PLB1: variants seen among roughly 807,000 people sequenced by gnomAD.
PLB1 encodes the protein phospholipase B1.
A neutral mutation model predicts 227.4 loss-of-function variants in PLB1; 242 were observed. That is an observed-to-expected ratio of 1.06 (90% confidence interval 0.96 to 1.18). PLB1 has a LOEUF of 1.18. PLB1 is among the 50% of genes most tolerant of loss of function. PLB1 has a pLI of 0.00. For synonymous variants in PLB1, 757 were observed against 682.2 expected, an observed-to-expected ratio of 1.11 and a Z score of -1.71; for missense variants, 1,858 against 1,816.3, an observed-to-expected ratio of 1.02 and a Z score of -0.42.
At chr2:28,602,149 G>GA (rs780583888) in intron 38 of PLB1, among the ~76,000 whole-genome samples, 185 bp downstream of exon 38, 4 of 152,234 alleles carry the variant, frequency 2.6e-5, no homozygotes, top group Non-Finnish European at 5.9e-5. Flanking sequence ...AATCAGCCCA[G>GA]AAGGGCCTCA....
At chr2:28,590,131 A>G in intron 29 of PLB1, 55 bp downstream of exon 29, 1 of 1,454,758 alleles carries the variant, frequency 6.9e-7, no homozygotes, top group Non-Finnish European at 9.7e-7. Context: ...TTCTTGGCTC[A>G]TTTCATCCTA....
rs183454133 is a variant in PLB1 at position 28,577,616 on chromosome 2, A to T, written c.1434-491A>T. Among the ~76,000 whole-genome samples, 444 of 152,292 alleles carry T rather than the reference A, an allele frequency of 2.9e-3. 3 individuals are homozygous for T. The highest frequency in any genetic ancestry group is 4.7e-3 in the Non-Finnish European group (318 of 68,018). ...CCAGCATTTTGGGAGGCCGAGGCAGATGGATCGTGAGGTCAGGAGTTTGAG... is the reference window on the plus strand; with the variant it reads ...CCAGCATTTTGGGAGGCCGAGGCAGTTGGATCGTGAGGTCAGGAGTTTGAG... On this transcript the variant is annotated intron_variant, in intron 21 of 57. Coordinates refer to ENST00000327757, the MANE Select transcript of PLB1 (RefSeq NM_153021.5).
intron 1 of PLB1, among the ~76,000 whole-genome samples, chr2:28,498,336 A>G (rs938827567): frequency 8.6e-5 from 13 of 151,160 alleles, no homozygotes; most frequent in African/African-American, 3.1e-4. Flanking sequence ...TAATCCTCCC[A>G]CCTCAGCCTC....
At chr2:28,546,414 G>A (rs12468388) in intron 14 of PLB1, among the ~76,000 whole-genome samples, 61,288 of 151,962 alleles carry the variant, frequency 0.4, 12,753 homozygotes, top group South Asian at 0.48. Flanking sequence ...TCTGCTGCTC[G>A]GAGAGGATTT....
Position 28,582,069 on chromosome 2 carries a change from T to C in PLB1, c.1568T>C (p.Val523Ala). 6.2e-7 allele frequency: 1 copy of C among 1,612,690 alleles called. No individual in the cohort carries two copies. The highest frequency in any genetic ancestry group is 8.5e-7 in the Non-Finnish European group (1 of 1,178,906). ...NDLCDFCNDL[V>A]HYSPQNFTDN... is the part of the protein sequence containing the mutation. ...AAGGGACACTTCCTCTTCCTGCAGG[T>C]CCACTATTCTCCCCAGAACTTCACA... Residue 523 changes from valine to alanine, a missense_variant and splice_region_variant, in exon 24 of 58, where the codon GTC (valine) becomes GCC (alanine). Val to Ala is a moderately conservative substitution (Grantham distance 64). Transcript: ENST00000327757.
intron 21 of PLB1, among the ~76,000 whole-genome samples, chr2:28,574,535 A>G (rs1243003039): frequency 7.1e-6 from 1 of 141,626 alleles, no homozygotes; most frequent in East Asian, 2.1e-4. Context: ...GGCACACATC[A>G]CCATTCCCGG....
At chr2:28,606,448 A>ATGGAAGTGAACATTCCC in intron 42 of PLB1, 48 bp from the exon 43 acceptor site, 1 of 1,561,628 alleles carries the variant, frequency 6.4e-7, no homozygotes, top group Non-Finnish European at 8.8e-7. Flanking sequence ...GTTCACTTCC[A>ATGGAAGTGAACATTCCC]TGGAAACAAA....
chr2:28,563,100 G>A lies in PLB1; in HGVS notation c.1206+1G>A, dbSNP rs376433748. On this transcript the variant is annotated splice_donor_variant, in intron 18 of 57. Transcript: ENST00000327757. LOFTEE classifies it high-confidence loss of function. The stretch of plus-strand genomic sequence containing the variant: ...TGGAGCCCTGGGTGACTCTCTCACG[G>A]TAAGTGACCCTGATGCAGAAGGGGC... 4.3e-6 allele frequency: 7 copies of A among 1,612,078 alleles called. No homozygotes were observed. The highest frequency in any genetic ancestry group is 5.9e-6 in the Non-Finnish European group (7 of 1,178,196).
intron 53 of PLB1, 52 bp downstream of exon 53, chr2:28,629,237 C>T: frequency 6.5e-7 from 1 of 1,549,778 alleles, no homozygotes; most frequent in Non-Finnish European, 8.8e-7. Context: ...GTGAGGAGGG[C>T]TTGCAGGTGC....
chr2:28,632,367 G>A (rs746568241), intron 55 of PLB1, among the ~76,000 whole-genome samples: 1 of 151,238 alleles, frequency 6.6e-6, no homozygotes, highest in Non-Finnish European at 1.5e-5. Flanking sequence ...CCCAGGCCTG[G>A]CCCTGATGTT....
chr2:28,626,407 C>A, intron 50 of PLB1, 21 bp from the exon 51 acceptor site: 1 of 1,610,552 alleles, frequency 6.2e-7, no homozygotes, highest in Non-Finnish European at 8.5e-7. Context: ...GGCCTAAACT[C>A]AGGATCTTCT....
intron 23 of PLB1, among the ~76,000 whole-genome samples, chr2:28,581,752 G>C (rs1255779145): frequency 6.6e-6 from 1 of 151,970 alleles, no homozygotes; most frequent in Non-Finnish European, 1.5e-5. Context: ...TGGATCACTT[G>C]AGCCCAGGAC....
chr2:28,497,377 G>C (rs577693840), intron 1 of PLB1, among the ~76,000 whole-genome samples: 26 of 152,296 alleles, frequency 1.7e-4, no homozygotes, highest in African/African-American at 6.0e-4. Flanking sequence ...CTTATGTTTG[G>C]CCAAGATTCA....
rs1279865403 is a variant in PLB1, at chr2:28,541,796, C to T, written c.864C>T (p.Thr288=). The change falls in exon 13 of 58, where the codon ACC becomes ACT. Residue 288 remains threonine, a synonymous_variant. Transcript: ENST00000327757. ...VVFQPFFYET[T]PSLHSEDPRL... is the part of the protein sequence containing the mutation. Reference sequence around the variant, plus strand: ...TCCAGCCTTTCTTCTATGAGACCACCCCATCTCTACACTCGGTAAGTGGGG... The same window carrying T: ...TCCAGCCTTTCTTCTATGAGACCACTCCATCTCTACACTCGGTAAGTGGGG... The T allele has an allele frequency of 1.2e-6, 2 of 1,612,256 alleles. No homozygotes were observed. Among genetic ancestry groups the T allele is most frequent in the Middle Eastern group, 1.7e-4 (1 of 6,060 alleles).
chr2:28,617,627 A>G, intron 44 of PLB1, 100 bp from the exon 45 acceptor site: 1 of 1,124,564 alleles, frequency 8.9e-7, no homozygotes, highest in East Asian at 2.4e-5. Flanking sequence ...ACTCATTTCT[A>G]GCCTCCATCA....
chr2:28,635,223 T>C (rs1335654979), intron 56 of PLB1, among the ~76,000 whole-genome samples: 1 of 152,216 alleles, frequency 6.6e-6, no homozygotes, highest in Non-Finnish European at 1.5e-5. Context: ...TACAGTCTAA[T>C]GTTTTCATCC....
At position 28,532,178 on chromosome 2, in the gene PLB1, G is replaced by A. The variant is rs769249444; in HGVS notation, c.539G>A (p.Cys180Tyr). Residue 180 changes from cysteine (C) to tyrosine (Y), a missense_variant, in exon 9 of 58, where the codon TGC becomes TAC. By Grantham distance (194) the Cys-to-Tyr change is radical. Coordinates refer to ENST00000327757, the MANE Select transcript of PLB1 (RefSeq NM_153021.5). ...FFSNASQCYL[C>Y]PSAQQNGLAA... ...AGTAATGCAAGCCAGTGTTACCTGT[G>A]CCCCTCTGCTCAACAGGTAAATGGC... The A allele has an allele frequency of 2.7e-5, 43 of 1,612,146 alleles. No homozygotes were observed. The highest frequency in any genetic ancestry group is 1.6e-4 in the Middle Eastern group (1 of 6,078).
chr2:28,563,889 C>T (rs1318597652), intron 18 of PLB1, among the ~76,000 whole-genome samples: 1 of 152,146 alleles, frequency 6.6e-6, no homozygotes, highest in Admixed American at 6.5e-5. Flanking sequence ...TGATATCATC[C>T]ACTCAGTGGG....
In PLB1 at chr2:28,598,074, C is replaced by A. The variant is rs760675420; in HGVS notation, c.2365+26C>A. ...GTAAGTAACCATCAGGGGCTTGAAT[C>A]TGTCTACTGTTCCACCCATCTGGCC... On this transcript the variant is annotated intron_variant, in intron 34 of 57. Coordinates refer to ENST00000327757, the MANE Select transcript of PLB1 (RefSeq NM_153021.5). The A allele has an allele frequency of 6.9e-6, 11 of 1,598,910 alleles. No homozygotes were observed. In the South Asian group the frequency reaches 1.0e-4, roughly 15 times the overall value.
Sources: allele counts gnomAD v4.1 joint callset (sites outside exome capture counted in the v4.1 genomes callset), GRCh38; gene constraint gnomAD v4.1.1; transcripts MANE v1.5; gene names NCBI Gene and HGNC (gene_info 2026-07-23, HGNC 2026-07-21).